Variants in AGTPBP1 observed in about 807,000 individuals in gnomAD.
AGTPBP1 encodes cytosolic carboxypeptidase 1.
In AGTPBP1, 70 loss-of-function variants were observed where a neutral mutation model predicts 143.9. That is an observed-to-expected ratio of 0.49 (90% CI 0.40 to 0.59). AGTPBP1 has a LOEUF of 0.59. Ranked by LOEUF, AGTPBP1 falls within the 20% of genes least tolerant of loss-of-function variation. The pLI is 0.00. For synonymous variants in AGTPBP1, 463 were observed against 500.2 expected (o/e 0.93, Z 0.99); for missense variants, 1,229 against 1,464.5 (o/e 0.84, Z 2.62).
At chr9:85,718,327 T>A (rs1489488342) in intron 1 of AGTPBP1, among the ~76,000 whole-genome samples, 1 of 152,138 alleles carries the variant, frequency 6.6e-6, no homozygotes, top group African/African-American at 2.4e-5. Flanking sequence ...CTCTCCAGTA[T>A]CTGTTGTTTC....
chr9:85,548,076 G>A (rs781401350), intron 25 of AGTPBP1, among the ~76,000 whole-genome samples: 1 of 152,082 alleles, frequency 6.6e-6, no homozygotes, highest in Non-Finnish European at 1.5e-5. Flanking sequence ...CTAAGGTAGT[G>A]ACCAAAACTA....
the AGTPBP1 span, among the ~76,000 whole-genome samples, chr9:85,782,052 T>G: frequency 6.6e-6 from 1 of 152,338 alleles, no homozygotes; most frequent in Non-Finnish European, 1.5e-5. Flanking sequence ...TTCTAATAAC[T>G]TTGATAATTT....
intron 3 of AGTPBP1, among the ~76,000 whole-genome samples, chr9:85,691,444 T>C (rs954721304): frequency 6.6e-6 from 1 of 151,998 alleles, no homozygotes; most frequent in Non-Finnish European, 1.5e-5. Context: ...AAGATTATAA[T>C]TATTAGACCT....
chr9:85,620,343 G>A (rs1445677429), intron 15 of AGTPBP1, among the ~76,000 whole-genome samples: 1 of 151,106 alleles, frequency 6.6e-6, no homozygotes, highest in African/African-American at 2.4e-5. Flanking sequence ...AAGCCCAAGA[G>A]GCAGAGGTTA....
chr9:85,778,411 C>T, the AGTPBP1 span, among the ~76,000 whole-genome samples: 2 of 152,200 alleles, frequency 1.3e-5, no homozygotes, highest in Non-Finnish European at 2.9e-5. Flanking sequence ...TGTGATTCAC[C>T]TATGGGGGTC....
At chr9:85,793,751 G>C in the AGTPBP1 span, among the ~76,000 whole-genome samples, 4,486 of 152,236 alleles carry the variant, frequency 0.029, 211 homozygotes, top group African/African-American at 0.099. Context: ...GATTATGTGA[G>C]TTTAGTTGGC....
At chr9:85,572,004 G>GTCTTTTTTTTTTTTTTTTTTTT (rs1827509214) in intron 25 of AGTPBP1, among the ~76,000 whole-genome samples, 1 of 43,434 alleles carries the variant, frequency 2.3e-5, no homozygotes. Context: ...GTTTGTGTGT[G>GTCTTTTTTTTTTTTTTTTTTTT]TTTTTTTTTT....
chr9:85,622,965 C>A (rs984719225), intron 14 of AGTPBP1, among the ~76,000 whole-genome samples: 7 of 152,188 alleles, frequency 4.6e-5, no homozygotes, highest in Admixed American at 4.6e-4. Context: ...TTAATATTCA[C>A]AAAGGTTTGG....
intron 17 of AGTPBP1, among the ~76,000 whole-genome samples, chr9:85,608,899 A>G (rs766357337): frequency 1.8e-4 from 27 of 152,154 alleles, no homozygotes; most frequent in Non-Finnish European, 7.4e-5. Context: ...CAGACCCTCA[A>G]TAGGGTGGAG....
At chr9:85,803,478 C>A in the AGTPBP1 span, among the ~76,000 whole-genome samples, 1 of 152,200 alleles carries the variant, frequency 6.6e-6, no homozygotes, top group Non-Finnish European at 1.5e-5. Context: ...TGGCACAAAT[C>A]TCTTCGGGTT....
At chr9:85,674,278 G>A (rs1007727496) in intron 6 of AGTPBP1, among the ~76,000 whole-genome samples, 1 of 151,802 alleles carries the variant, frequency 6.6e-6, no homozygotes, top group Admixed American at 6.6e-5. Context: ...ACCATATAAT[G>A]TCCTTGAATG....
chr9:85,629,413 C>T (rs1320073537), intron 14 of AGTPBP1, among the ~76,000 whole-genome samples: 6 of 152,188 alleles, frequency 3.9e-5, no homozygotes, highest in African/African-American at 1.4e-4. Context: ...GTCACAGTAA[C>T]TCCCAGTATG....
chr9:85,741,308 G>C (rs1263545134), intron 1 of AGTPBP1: 11 of 985,320 alleles, frequency 1.1e-5, no homozygotes, highest in Admixed American at 6.1e-5. Flanking sequence ...TAGAATTCTC[G>C]AAGCACAGGG....
At chr9:85,698,001 T>G (rs572876056) in intron 2 of AGTPBP1, among the ~76,000 whole-genome samples, 7 of 152,272 alleles carry the variant, frequency 4.6e-5, no homozygotes, top group African/African-American at 1.7e-4. Context: ...TAACCCAGAT[T>G]TGAGAGAAAT....
the AGTPBP1 span, among the ~76,000 whole-genome samples, chr9:85,783,742 C>A: frequency 1.3e-5 from 2 of 152,086 alleles, no homozygotes; most frequent in African/African-American, 4.8e-5. Flanking sequence ...TCAAACAATT[C>A]TCCTGCCTCA....
intron 1 of AGTPBP1, among the ~76,000 whole-genome samples, chr9:85,720,797 A>C (rs1394008772): frequency 6.6e-6 from 1 of 152,134 alleles, no homozygotes; most frequent in Non-Finnish European, 1.5e-5. Context: ...TCTTGTGGGC[A>C]TTTAGTGTTG....
At chr9:85,742,147 C>CG, upstream of AGTPBP1, 1 of 589,954 alleles carries the variant, frequency 1.7e-6, no homozygotes, top group East Asian at 7.7e-5. Context: ...GCGCGCCTGA[C>CG]GGGAGGGAGC....
intron 1 of AGTPBP1, among the ~76,000 whole-genome samples, chr9:85,728,032 C>T (rs12683910): frequency 0.13 from 8,113 of 63,094 alleles, 442 homozygotes; most frequent in East Asian, 0.51. Flanking sequence ...TATTTATATA[C>T]ACACACACAC....
chr9:85,718,212 T>C (rs1837847096), intron 1 of AGTPBP1, among the ~76,000 whole-genome samples: 2 of 151,832 alleles, frequency 1.3e-5, no homozygotes, highest in Admixed American at 6.6e-5. Context: ...CACTGGGTTC[T>C]AGTTCTAGTT....
Sources: gnomAD v4.1 joint callset for allele counts (sites outside exome capture counted in the v4.1 genomes callset) on GRCh38, gnomAD v4.1.1 for gene constraint, MANE v1.5 for transcripts, NCBI Gene and HGNC (gene_info 2026-07-23, HGNC 2026-07-21) for gene names.